Variants in JAZF1 observed in about 807,000 individuals in gnomAD.
JAZF1 encodes the protein JAZF zinc finger 1, also known as juxtaposed with another zinc finger protein 1.
A neutral mutation model predicts 26.4 loss-of-function variants in JAZF1; 8 were observed. That is an observed-to-expected ratio of 0.30 (90% CI 0.18 to 0.55). JAZF1 has a LOEUF of 0.55. Ranked by LOEUF, JAZF1 falls within the 20% of genes least tolerant of loss-of-function variation. JAZF1 has a pLI of 0.94. For synonymous variants in JAZF1, 126 were observed against 122.3 expected, an observed-to-expected ratio of 1.03 and a Z score of -0.20; for missense variants, 199 against 322.0, an observed-to-expected ratio of 0.62 and a Z score of 2.92.
chr7:28,161,482 CT>C (rs983684341), intron 1 of JAZF1, among the ~76,000 whole-genome samples: 6 of 152,154 alleles, frequency 3.9e-5, no homozygotes, highest in African/African-American at 1.4e-4. Context: ...CCCTCTTGCA[CT>C]CTACGTTACC....
intron 1 of JAZF1, among the ~76,000 whole-genome samples, chr7:28,095,984 G>A (rs528195498): frequency 3.3e-5 from 5 of 152,180 alleles, no homozygotes; most frequent in South Asian, 2.1e-4. Flanking sequence ...GGCCCCAACC[G>A]TATGACTCAT....
At chr7:28,057,742 C>T (rs181505084) in intron 1 of JAZF1, among the ~76,000 whole-genome samples, 121 of 152,034 alleles carry the variant, frequency 8.0e-4, no homozygotes, top group Admixed American at 3.4e-3. Flanking sequence ...ATGTATTGGC[C>T]CCAAATTTTG....
At chr7:28,177,663 T>C (rs1191389934) in intron 1 of JAZF1, among the ~76,000 whole-genome samples, 2 of 152,210 alleles carry the variant, frequency 1.3e-5, no homozygotes, top group East Asian at 1.9e-4. Flanking sequence ...ACACCTCTTA[T>C]TCTTTTCATG....
At chr7:27,881,005 G>A (rs927777662) in intron 3 of JAZF1, among the ~76,000 whole-genome samples, 3 of 152,224 alleles carry the variant, frequency 2.0e-5, no homozygotes, top group Non-Finnish European at 2.9e-5. Context: ...TACTTGGCAA[G>A]TACTGCGTAT....
chr7:27,981,154 G>A (rs1390504264), intron 2 of JAZF1, among the ~76,000 whole-genome samples: 1 of 152,104 alleles, frequency 6.6e-6, no homozygotes, highest in East Asian at 1.9e-4. Flanking sequence ...TTCTCTCCCA[G>A]CTAGGATTTG....
chr7:28,106,118 G>A lies in JAZF1; in HGVS notation c.115+74345C>T, dbSNP rs193131754. Among the ~76,000 whole-genome samples the A allele has an allele frequency of 2.3e-4, 35 of 152,222 alleles. 2 individuals carry two copies. In the South Asian group the frequency reaches 6.6e-3, roughly 29 times the overall value. On this transcript the variant is annotated intron_variant, in intron 1 of 4. Coordinates refer to ENST00000283928, the MANE Select transcript of JAZF1 (RefSeq NM_175061.4). ...ATGCTGTCTTACAGGTTATTTCAGCGTTTAAAATGCTTTATTTATGATAGT... is the reference window on the plus strand; with the variant it reads ...ATGCTGTCTTACAGGTTATTTCAGCATTTAAAATGCTTTATTTATGATAGT...
intron 2 of JAZF1, among the ~76,000 whole-genome samples, chr7:27,903,553 A>C (rs1014853444): frequency 2.0e-5 from 3 of 152,208 alleles, no homozygotes; most frequent in African/African-American, 7.2e-5. Flanking sequence ...CAAATTCAAG[A>C]AGACAGATAC....
intron 1 of JAZF1, among the ~76,000 whole-genome samples, chr7:28,139,410 A>C (rs1045519265): frequency 2.0e-5 from 3 of 152,246 alleles, no homozygotes; most frequent in Non-Finnish European, 4.4e-5. Flanking sequence ...TAATTAGTTA[A>C]GATGAGTCAT....
chr7:27,955,554 G>A (rs1785073936), intron 2 of JAZF1, among the ~76,000 whole-genome samples: 1 of 152,210 alleles, frequency 6.6e-6, no homozygotes, highest in South Asian at 2.1e-4. Context: ...GGCTTTCTGT[G>A]AGTCAATAAC....
intron 1 of JAZF1, among the ~76,000 whole-genome samples, chr7:28,155,353 C>G (rs755096746): frequency 6.6e-6 from 1 of 152,170 alleles, no homozygotes; most frequent in Non-Finnish European, 1.5e-5. Context: ...ACACATCAGT[C>G]AAACCAAATA....
At chr7:27,894,524 G>A (rs986793603) in intron 3 of JAZF1, among the ~76,000 whole-genome samples, 4 of 152,162 alleles carry the variant, frequency 2.6e-5, no homozygotes, top group East Asian at 3.8e-4. Flanking sequence ...TCTTTAAGGC[G>A]AGGACCTGGA....
chr7:27,887,093 A>C (rs1783881324), intron 3 of JAZF1, among the ~76,000 whole-genome samples: 1 of 152,138 alleles, frequency 6.6e-6, no homozygotes, highest in Non-Finnish European at 1.5e-5. Flanking sequence ...ACATACGGGA[A>C]ATTATACATA....
chr7:28,083,712 A>AT (rs1784172195), intron 1 of JAZF1, among the ~76,000 whole-genome samples: 2 of 152,044 alleles, frequency 1.3e-5, no homozygotes. Flanking sequence ...CATCAGATAC[A>AT]TTTTTAAAGT....
At chr7:28,162,449 C>G (rs1276228819) in intron 1 of JAZF1, among the ~76,000 whole-genome samples, 1 of 152,172 alleles carries the variant, frequency 6.6e-6, no homozygotes, top group Non-Finnish European at 1.5e-5. Context: ...ACTTCTTGAG[C>G]CTTTAGTTCA....
intron 3 of JAZF1, among the ~76,000 whole-genome samples, chr7:27,860,032 T>C (rs1350099811): frequency 6.6e-6 from 1 of 152,206 alleles, no homozygotes; most frequent in Non-Finnish European, 1.5e-5. Context: ...CTCCTTACAA[T>C]AGTCACACAT....
intron 2 of JAZF1, among the ~76,000 whole-genome samples, chr7:27,932,946 T>C (rs1784707839): frequency 6.6e-6 from 1 of 152,208 alleles, no homozygotes; most frequent in African/African-American, 2.4e-5. Context: ...ACCAGACATG[T>C]GTAAAGATGA....
chr7:28,066,015 T>C (rs1444041374), intron 1 of JAZF1, among the ~76,000 whole-genome samples: 1 of 152,174 alleles, frequency 6.6e-6, no homozygotes, highest in Non-Finnish European at 1.5e-5. Flanking sequence ...GGACTACTAA[T>C]GTAAGCAAGG....
At position 27,897,697 on chromosome 7, in the gene JAZF1, G is replaced by A. The variant is rs1352907417; in HGVS notation, c.189-2281C>T. On this transcript the variant is annotated intron_variant, in intron 2 of 4. Coordinates refer to ENST00000283928, the MANE Select transcript of JAZF1 (RefSeq NM_175061.4). ...GGGCATGGCCCTTGCACAGAATGGGGAGCTATGCCCAGAGCGTGTTTCAAG... is the reference window on the plus strand; with the variant it reads ...GGGCATGGCCCTTGCACAGAATGGGAAGCTATGCCCAGAGCGTGTTTCAAG... Among the ~76,000 whole-genome samples the A allele has an allele frequency of 2.0e-5, 3 of 152,212 alleles. No homozygotes were observed. The South Asian group carries it at 6.2e-4, about 32-fold the overall frequency.
intron 1 of JAZF1, among the ~76,000 whole-genome samples, chr7:28,088,101 C>T (rs981262452): frequency 6.6e-6 from 1 of 152,146 alleles, no homozygotes; most frequent in African/African-American, 2.4e-5. Context: ...AGCCTGAAAA[C>T]CAGGGGGTCT....
Sources: gnomAD v4.1 joint callset for allele counts (sites outside exome capture counted in the v4.1 genomes callset) on GRCh38, gnomAD v4.1.1 for gene constraint, MANE v1.5 for transcripts, NCBI Gene and HGNC (gene_info 2026-07-23, HGNC 2026-07-21) for gene names.